Variants in WNK1 observed in about 807,000 individuals in gnomAD.
WNK1 encodes serine/threonine-protein kinase WNK1.
Under a neutral mutation model 222.8 loss-of-function variants are expected in WNK1, and 38 were observed. That is an observed-to-expected ratio of 0.17 (90% CI 0.13 to 0.22). The LOEUF is 0.22. Ranked by LOEUF, WNK1 falls within the 10% of genes least tolerant of loss-of-function variation. The pLI, the probability that WNK1 is intolerant of heterozygous loss-of-function variation, is 1.00. For missense variants in WNK1, 2,348 were observed against 2,918.4 expected (o/e 0.80, Z 4.50); for synonymous variants, 1,090 against 1,092.9 (o/e 1.00, Z 0.05).
At chr12:866,552 G>C (rs1001355941) in intron 8 of WNK1, among the ~76,000 whole-genome samples, 1 of 151,922 alleles carries the variant, frequency 6.6e-6, no homozygotes, top group East Asian at 1.9e-4. Flanking sequence ...AGTAGAGATG[G>C]GTTTCACCAT....
At chr12:905,392 G>A (rs1198872115) in intron 26 of WNK1, among the ~76,000 whole-genome samples, 4 of 152,066 alleles carry the variant, frequency 2.6e-5, no homozygotes, top group Admixed American at 6.6e-5. Context: ...CCTGTATTAG[G>A]TAATGTAGGG....
At position 891,601 on chromosome 12, in the gene WNK1, T is replaced by C. The variant is rs922495858; in HGVS notation, c.5509+1088T>C. Among the ~76,000 whole-genome samples the C allele has an allele frequency of 3.4e-5, 5 of 146,390 alleles. 1 individual carries two copies. Among genetic ancestry groups the C allele is most frequent in the Non-Finnish European group, 4.5e-5 (3 of 66,064 alleles). Reference sequence around the variant, plus strand: ...TATGAAATCATAAGGGGATTTTTTTTCTTTTTTTTTTTTTTTTTAGTTTTT... The same window carrying C: ...TATGAAATCATAAGGGGATTTTTTTCCTTTTTTTTTTTTTTTTTAGTTTTT... On this transcript the variant is annotated intron_variant, in intron 22 of 27. Transcript: ENST00000315939.
chr12:884,117 C>A lies in WNK1; in HGVS notation c.3722-4C>A, dbSNP rs868675360. 6.2e-7 allele frequency: 1 copy of A among 1,614,002 alleles called. No individual in the cohort carries two copies. The stretch of plus-strand genomic sequence containing the variant: ...GTTACGTTTGTTTGTTTGTTTTTGA[C>A]CAGGCATTCCTACCAGTTCTTTAAC... On this transcript the variant is annotated splice_polypyrimidine_tract_variant and splice_region_variant and intron_variant, in intron 17 of 27. Coordinates refer to ENST00000315939, the MANE Select transcript of WNK1 (RefSeq NM_018979.4). The surrounding 1 kb of genome is among the most constrained non-coding windows in gnomAD (Gnocchi z 5.6).
intron 1 of WNK1, 84 bp downstream of exon 1, chr12:754,408 C>T: frequency 6.4e-7 from 1 of 1,571,276 alleles, no homozygotes. Flanking sequence ...TCACCCTTCA[C>T]TTGGCATTCT....
At chr12:774,905 G>T (rs1382072869) in intron 1 of WNK1, among the ~76,000 whole-genome samples, 15 of 152,058 alleles carry the variant, frequency 9.9e-5, no homozygotes, top group Non-Finnish European at 2.1e-4. Flanking sequence ...ATATCAGAAT[G>T]AATCCTTTTA....
chr12:812,207 T>C (rs918380224), intron 1 of WNK1, among the ~76,000 whole-genome samples: 2 of 152,190 alleles, frequency 1.3e-5, no homozygotes, highest in African/African-American at 4.8e-5. Context: ...TGGACTTAAC[T>C]GAGACTCAGA....
chr12:895,018 T>A (rs1185739243), intron 23 of WNK1, among the ~76,000 whole-genome samples: 1 of 150,944 alleles, frequency 6.6e-6, no homozygotes, highest in African/African-American at 2.4e-5. Flanking sequence ...GTCTCTATCA[T>A]CATTTCTCAT....
At chr12:770,202 G>A (rs1465242217) in intron 1 of WNK1, among the ~76,000 whole-genome samples, 2 of 152,268 alleles carry the variant, frequency 1.3e-5, no homozygotes, top group East Asian at 3.9e-4. Flanking sequence ...TCAAACTCCT[G>A]ACCTCAGGTG....
chr12:871,531 T>C (rs1053832142), intron 9 of WNK1, among the ~76,000 whole-genome samples, 183 bp downstream of exon 9: 4 of 152,240 alleles, frequency 2.6e-5, no homozygotes, highest in Non-Finnish European at 5.9e-5. Flanking sequence ...AAAAATCTCT[T>C]TTGTTTAATA....
chr12:863,634 A>G (rs989871067), intron 8 of WNK1, among the ~76,000 whole-genome samples: 1 of 152,122 alleles, frequency 6.6e-6, no homozygotes, highest in Admixed American at 6.5e-5. Context: ...AAGTAGAATG[A>G]CATGAAGATA....
chr12:782,355 A>G (rs1248973898), intron 1 of WNK1, among the ~76,000 whole-genome samples: 2 of 152,194 alleles, frequency 1.3e-5, no homozygotes, highest in East Asian at 1.9e-4. Flanking sequence ...CAATAACTAC[A>G]TAGTATGTTG....
intron 1 of WNK1, among the ~76,000 whole-genome samples, chr12:756,991 C>T (rs1187969955): frequency 6.6e-6 from 1 of 152,038 alleles, no homozygotes; most frequent in Non-Finnish European, 1.5e-5. Flanking sequence ...AGATGAAGAA[C>T]AAAAGCTAGT....
chr12:753,764 G>A lies in WNK1; in HGVS notation c.199G>A (p.Gly67Arg). 2.5e-6 allele frequency: 4 copies of A among 1,612,396 alleles called. No individual in the cohort carries two copies. Among genetic ancestry groups the A allele is most frequent in the Non-Finnish European group, 3.4e-6 (4 of 1,179,910 alleles). Reference protein sequence around the residue: ...RRHTMDKDSRGAAATTTTTEH... With the variant: ...RRHTMDKDSRRAAATTTTTEH... ...CCACACTATGGACAAGGACAGCCGT[G>A]GGGCGGCCGCGACCACTACCACCAC... Residue 67 changes from glycine (G) to arginine (R), a missense_variant, in exon 1 of 28, where the codon GGG (glycine) becomes AGG (arginine). Gly to Arg is a moderately radical substitution (Grantham distance 125). Coordinates refer to ENST00000315939, the MANE Select transcript of WNK1 (RefSeq NM_018979.4). The surrounding 1 kb of genome is among the most constrained non-coding windows in gnomAD (Gnocchi z 5.2).
intron 1 of WNK1, among the ~76,000 whole-genome samples, chr12:797,049 C>CTTTA (rs531439682): frequency 1.9e-4 from 29 of 152,346 alleles, no homozygotes; most frequent in African/African-American, 6.7e-4. Flanking sequence ...AATTCCCAGA[C>CTTTA]TTTATTTTAA....
chr12:811,561 C>T (rs1272158146), intron 1 of WNK1, among the ~76,000 whole-genome samples: 1 of 152,090 alleles, frequency 6.6e-6, no homozygotes, highest in Admixed American at 6.6e-5. Flanking sequence ...ATGGCAAATA[C>T]TTGGCAAAAA....
At chr12:759,301 A>G (rs2153913107) in intron 1 of WNK1, among the ~76,000 whole-genome samples, 1 of 147,084 alleles carries the variant, frequency 6.8e-6, no homozygotes, top group South Asian at 2.2e-4. Context: ...TTTAAATTAT[A>G]TATTTAGTAA....
intron 1 of WNK1, among the ~76,000 whole-genome samples, chr12:795,296 G>GTTTTTTTTTTTTTTTTTTTTTT (rs35447912): frequency 2.3e-5 from 3 of 133,024 alleles, no homozygotes; most frequent in African/African-American, 2.8e-5. Flanking sequence ...ATTTTCCGTT[G>GTTTTTTTTTTTTTTTTTTTTTT]TTTTTTTTTT....
At chr12:890,572 C>G (rs2154090194) in intron 22 of WNK1, 59 bp downstream of exon 22, 3 of 1,584,876 alleles carry the variant, frequency 1.9e-6, no homozygotes, top group African/African-American at 2.7e-5. Flanking sequence ...GTAGTTGATT[C>G]AGGAGGTTTA....
chr12:908,611 C>A lies in WNK1; in HGVS notation c.6968C>A (p.Pro2323Gln). 6.8e-6 allele frequency: 11 copies of A among 1,614,168 alleles called. No homozygotes were observed. The highest frequency in any genetic ancestry group is 9.3e-6 in the Non-Finnish European group (11 of 1,180,036). Reference sequence around the variant, plus strand: ...CACTTCACCAAGTCTATGTGCCCCCCACAGCAGTATGGCTTTCCAGCTACC... The same window carrying A: ...CACTTCACCAAGTCTATGTGCCCCCAACAGCAGTATGGCTTTCCAGCTACC... The part of the protein sequence containing the change: ...LGHFTKSMCP[P>Q]QQYGFPATPF... The change falls in exon 28 of 28, where the codon CCA (proline) becomes CAA (glutamine). Residue 2323 changes from proline (P) to glutamine (Q), a missense_variant. By Grantham distance (76) the Pro-to-Gln change is moderately conservative (BLOSUM62 -1). Around this residue, in one of 13 missense-constraint regions of WNK1, gnomAD observed 76 missense variants for 85.7 expected, o/e 0.89. Coordinates refer to ENST00000315939, the MANE Select transcript of WNK1 (RefSeq NM_018979.4).
Sources: allele counts gnomAD v4.1 joint callset (sites outside exome capture counted in the v4.1 genomes callset), GRCh38; gene constraint gnomAD v4.1.1; regional missense constraint gnomAD v4.1.1; non-coding constraint Gnocchi (gnomAD v3.1); transcripts MANE v1.5; gene names NCBI Gene and HGNC (gene_info 2026-07-23, HGNC 2026-07-21).